Variants in SGMS1 observed in about 807,000 individuals in gnomAD.
SGMS1 encodes phosphatidylcholine:ceramide cholinephosphotransferase 1.
Under a neutral mutation model 46.2 loss-of-function variants are expected in SGMS1, and 13 were observed. That is an observed-to-expected ratio of 0.28 (90% CI 0.18 to 0.45). SGMS1 has a LOEUF of 0.45. Among genes scored for constraint, SGMS1 ranks in the 20% least tolerant of loss-of-function variants. The pLI is 1.00. For synonymous variants in SGMS1, 203 were observed against 187.8 expected (o/e 1.08, Z -0.66); for missense variants, 324 against 519.9 (o/e 0.62, Z 3.66).
intron 2 of SGMS1, among the ~76,000 whole-genome samples, chr10:50,574,305 A>G (rs987222793): frequency 6.6e-6 from 1 of 152,200 alleles, no homozygotes; most frequent in African/African-American, 2.4e-5. Flanking sequence ...AATAGCAATA[A>G]AAACAAATAA....
intron 1 of SGMS1, among the ~76,000 whole-genome samples, chr10:50,612,270 T>C (rs1421639608): frequency 6.6e-6 from 1 of 152,260 alleles, no homozygotes; most frequent in Non-Finnish European, 1.5e-5. Flanking sequence ...ATAGAATACC[T>C]GCATGAAACT....
chr10:50,413,095 T>C (rs1409044723), intron 6 of SGMS1, among the ~76,000 whole-genome samples: 1 of 152,160 alleles, frequency 6.6e-6, no homozygotes, highest in Admixed American at 6.5e-5. Context: ...CTGGAAAATG[T>C]AAATTTGAAA....
intron 6 of SGMS1, among the ~76,000 whole-genome samples, chr10:50,353,056 G>A (rs918833890): frequency 6.6e-6 from 1 of 152,138 alleles, no homozygotes; most frequent in South Asian, 2.1e-4. Context: ...CCAATCAATA[G>A]AAAAAGAGGG....
chr10:50,418,496 T>A (rs1409141793), intron 6 of SGMS1: 2 of 152,264 alleles, frequency 1.3e-5, no homozygotes, highest in East Asian at 1.9e-4. Flanking sequence ...GCCCGTTCAG[T>A]CCTAACCAAT....
intron 6 of SGMS1, among the ~76,000 whole-genome samples, chr10:50,426,253 G>A (rs965247355): frequency 1.1e-4 from 17 of 151,716 alleles, no homozygotes; most frequent in South Asian, 8.3e-4. Flanking sequence ...AGTATTTTTC[G>A]TTTATAAAAA....
intron 2 of SGMS1, among the ~76,000 whole-genome samples, chr10:50,562,639 G>T (rs992850801): frequency 5.9e-5 from 9 of 152,164 alleles, no homozygotes; most frequent in African/African-American, 2.2e-4. Flanking sequence ...CGCCTCCCGG[G>T]TTCACACCAT....
chr10:50,380,370 C>A (rs1048031128), intron 6 of SGMS1, among the ~76,000 whole-genome samples: 1 of 139,962 alleles, frequency 7.1e-6, no homozygotes, highest in Non-Finnish European at 1.5e-5. Context: ...CACAGTAAGA[C>A]TCTGTATCAA....
chr10:50,533,351 C>A (rs1177628916), intron 2 of SGMS1, among the ~76,000 whole-genome samples: 1 of 152,046 alleles, frequency 6.6e-6, no homozygotes, highest in South Asian at 2.1e-4. Flanking sequence ...ATTCAAAATA[C>A]TGTTAAGATG....
rs575854149 is a variant in SGMS1 at position 50,503,598 on chromosome 10, C to T, written c.-498+16233G>A. Among the ~76,000 whole-genome samples, 9 of 152,336 alleles carry T rather than the reference C, an allele frequency of 5.9e-5. No homozygotes were observed. The South Asian group carries it at 1.7e-3, about 28-fold the overall frequency. The stretch of plus-strand genomic sequence containing the variant: ...ACGGCCCCACCCCTATCTCCCTTCG[C>T]TGACTCTCTTTTCGGACTCAGCCCG... On this transcript the variant is annotated intron_variant, in intron 3 of 10. Coordinates refer to ENST00000361781, the MANE Select transcript of SGMS1 (RefSeq NM_147156.4).
At chr10:50,401,280 T>A (rs187235783) in intron 6 of SGMS1, among the ~76,000 whole-genome samples, 1 of 152,352 alleles carries the variant, frequency 6.6e-6, no homozygotes, top group East Asian at 1.9e-4. Context: ...ACCCTCTTAA[T>A]CTGAACAATA....
At chr10:50,315,854 G>A (rs1275403064) in intron 8 of SGMS1, among the ~76,000 whole-genome samples, 1 of 152,138 alleles carries the variant, frequency 6.6e-6, no homozygotes, top group Non-Finnish European at 1.5e-5. Context: ...GTAAAAACAG[G>A]CAATATTCTT....
chr10:50,530,810 T>G (rs764008877), intron 2 of SGMS1, among the ~76,000 whole-genome samples: 3 of 152,168 alleles, frequency 2.0e-5, no homozygotes, highest in Non-Finnish European at 4.4e-5. Context: ...ATATAATACA[T>G]GCAAATGCAG....
intron 1 of SGMS1, among the ~76,000 whole-genome samples, chr10:50,600,842 T>C (rs1281084730): frequency 1.3e-5 from 2 of 152,020 alleles, no homozygotes; most frequent in African/African-American, 4.8e-5. Context: ...TATGCAGAAA[T>C]AGCCAAGAAC....
intron 8 of SGMS1, among the ~76,000 whole-genome samples, chr10:50,326,456 C>T (rs1471061506): frequency 6.6e-6 from 1 of 152,206 alleles, no homozygotes; most frequent in African/African-American, 2.4e-5. Context: ...ATCTCAAATA[C>T]ATCAGAGTAT....
chr10:50,458,339 CT>C (rs750349777), intron 5 of SGMS1, among the ~76,000 whole-genome samples: 144 of 97,104 alleles, frequency 1.5e-3, no homozygotes, highest in African/African-American at 5.0e-3. Flanking sequence ...TTCTTTTTCT[CT>C]TTTTTTTTTT....
intron 3 of SGMS1, among the ~76,000 whole-genome samples, chr10:50,495,359 C>T (rs1288584205): frequency 6.6e-6 from 1 of 150,760 alleles, no homozygotes; most frequent in African/African-American, 2.4e-5. Context: ...GGCTAAAATG[C>T]CTTAATTTTA....
chr10:50,613,118 C>G (rs16906646), intron 1 of SGMS1, among the ~76,000 whole-genome samples: 3,937 of 152,234 alleles, frequency 0.026, 164 homozygotes, highest in African/African-American at 0.09. Flanking sequence ...AAATGAAAAC[C>G]TCATGTGGCT....
At chr10:50,500,070 A>G (rs1202028329) in intron 3 of SGMS1, among the ~76,000 whole-genome samples, 2 of 152,210 alleles carry the variant, frequency 1.3e-5, no homozygotes, top group Non-Finnish European at 2.9e-5. Flanking sequence ...CAGGAGGCTG[A>G]GGCAAGAGGA....
chr10:50,565,211 A>C (rs1179615936), intron 2 of SGMS1, among the ~76,000 whole-genome samples: 1 of 152,204 alleles, frequency 6.6e-6, no homozygotes, highest in African/African-American at 2.4e-5. Context: ...TACTTAACTC[A>C]GTATCCCTGG....
Sources: allele counts gnomAD v4.1 joint callset (sites outside exome capture counted in the v4.1 genomes callset), GRCh38; gene constraint gnomAD v4.1.1; transcripts MANE v1.5; gene names NCBI Gene and HGNC (gene_info 2026-07-23, HGNC 2026-07-21).